Variants in RTN1 observed in about 807,000 individuals in gnomAD.
RTN1 encodes reticulon-1.
Under a neutral mutation model 65.5 loss-of-function variants are expected in RTN1, and 25 were observed. The ratio of observed to expected loss-of-function variants is 0.38; its 90% confidence interval spans 0.28 to 0.53. RTN1 has a LOEUF of 0.53. Ranked by LOEUF, RTN1 falls within the 20% of genes least tolerant of loss-of-function variation. The probability of loss-of-function intolerance (pLI) is 0.79; values close to 1 mark genes in which losing one functional copy is unlikely to be tolerated. For missense variants in RTN1, 983 were observed against 1,025.4 expected (o/e 0.96, Z 0.57); for synonymous variants, 471 against 447.6 (o/e 1.05, Z -0.66).
At chr14:59,669,622 A>T (rs1235204051) in intron 3 of RTN1, among the ~76,000 whole-genome samples, 1 of 151,736 alleles carries the variant, frequency 6.6e-6, no homozygotes, top group Non-Finnish European at 1.5e-5. Context: ...AATAAAAAAT[A>T]AAAAAAAGAA....
At position 59,839,794 on chromosome 14, in the gene RTN1, T is replaced by C. The variant is rs74358871; in HGVS notation, c.241+30596A>G. 3.7e-3 allele frequency among the ~76,000 whole-genome samples: 564 copies of C among 152,234 alleles called. 2 individuals carry two copies. Among genetic ancestry groups the C allele is most frequent in the Non-Finnish European group, 5.7e-3 (389 of 67,988 alleles). On this transcript the variant is annotated intron_variant, in intron 1 of 8. Transcript: ENST00000267484. ...CAGGTGTTTTTTTTTCTCTCTCTAA[T>C]ATATCTAATTCATTTTAGACAATGA...
At chr14:59,696,125 G>T in intron 3 of RTN1, among the ~76,000 whole-genome samples, 1 of 152,100 alleles carries the variant, frequency 6.6e-6, no homozygotes, top group African/African-American at 2.4e-5. Context: ...TCCAACAGCC[G>T]GCTAAGTCTT....
At chr14:59,820,067 G>T (rs764300750) in intron 1 of RTN1, among the ~76,000 whole-genome samples, 1 of 152,228 alleles carries the variant, frequency 6.6e-6, no homozygotes, top group Admixed American at 6.5e-5. Flanking sequence ...CGCCGAGAGC[G>T]AGTGAGGGGT....
At chr14:59,842,125 T>C (rs139471464) in intron 1 of RTN1, among the ~76,000 whole-genome samples, 231 of 151,182 alleles carry the variant, frequency 1.5e-3, no homozygotes, top group African/African-American at 5.2e-3. Flanking sequence ...GACTCCATTC[T>C]TGAAAAAAAT....
At chr14:59,852,031 C>T (rs755357310) in intron 1 of RTN1, among the ~76,000 whole-genome samples, 36 of 152,210 alleles carry the variant, frequency 2.4e-4, no homozygotes, top group Admixed American at 5.9e-4. Context: ...TCTAACACCA[C>T]GGATTCAATT....
intron 1 of RTN1, among the ~76,000 whole-genome samples, chr14:59,785,386 G>A (rs924288424): frequency 3.3e-5 from 5 of 152,158 alleles, no homozygotes; most frequent in African/African-American, 1.2e-4. Flanking sequence ...GCCTCATAAT[G>A]TAAATACATT....
At chr14:59,636,347 C>T (rs945790731) in intron 3 of RTN1, among the ~76,000 whole-genome samples, 2 of 152,090 alleles carry the variant, frequency 1.3e-5, no homozygotes, top group South Asian at 2.1e-4. Context: ...GGGACCACCC[C>T]TCTTGCCCTC....
rs796535432 is a variant in RTN1 at position 59,751,306 on chromosome 14, A to C, written c.242-4825T>G. Among the ~76,000 whole-genome samples, 9 of 151,020 alleles carry C rather than the reference A, an allele frequency of 6.0e-5. 1 individual carries two copies. The highest frequency in any genetic ancestry group is 2.2e-4 in the African/African-American group (9 of 41,070). On this transcript the variant is annotated intron_variant, in intron 1 of 8. Transcript: ENST00000267484. ...GATTGTCCTTATTTCCTAAGCATAG[A>C]TAGAACACCAAACAAAAAAACTATT...
chr14:59,811,245 C>A (rs1815446815), intron 1 of RTN1, among the ~76,000 whole-genome samples: 1 of 152,076 alleles, frequency 6.6e-6, no homozygotes, highest in African/African-American at 2.4e-5. Flanking sequence ...CACAAATGGG[C>A]AAGTGGCTTA....
chr14:59,691,274 A>G (rs1261349748), intron 3 of RTN1, among the ~76,000 whole-genome samples: 1 of 152,216 alleles, frequency 6.6e-6, no homozygotes, highest in East Asian at 1.9e-4. Context: ...TCCCACAGAA[A>G]TATAACAAAT....
At chr14:59,758,300 C>G (rs1032687303) in intron 1 of RTN1, among the ~76,000 whole-genome samples, 6 of 152,110 alleles carry the variant, frequency 3.9e-5, no homozygotes, top group African/African-American at 1.4e-4. Context: ...ATTCATCTCC[C>G]CAAAGCAGCA....
chr14:59,818,408 G>C (rs1020866896), intron 1 of RTN1, among the ~76,000 whole-genome samples: 1 of 152,120 alleles, frequency 6.6e-6, no homozygotes, highest in Non-Finnish European at 1.5e-5. Context: ...ATCCCCAGGG[G>C]ACTCCTAGGA....
chr14:59,618,679 A>T (rs1882174159), intron 3 of RTN1, among the ~76,000 whole-genome samples: 1 of 152,172 alleles, frequency 6.6e-6, no homozygotes, highest in East Asian at 1.9e-4. Context: ...TCAAACCCTA[A>T]ATCTGATGCT....
intron 3 of RTN1, among the ~76,000 whole-genome samples, chr14:59,653,463 G>T (rs1347542743): frequency 6.6e-6 from 1 of 152,142 alleles, no homozygotes; most frequent in East Asian, 1.9e-4. Flanking sequence ...TAGAAACAAA[G>T]AATTCCAGAA....
intron 3 of RTN1, among the ~76,000 whole-genome samples, chr14:59,627,367 C>G (rs1411317561): frequency 6.6e-6 from 1 of 152,144 alleles, no homozygotes; most frequent in Non-Finnish European, 1.5e-5. Flanking sequence ...ATCTGTGTGC[C>G]CTTACCAAAG....
intron 1 of RTN1, among the ~76,000 whole-genome samples, chr14:59,840,515 G>A (rs189599403): frequency 1.1e-4 from 16 of 152,246 alleles, no homozygotes; most frequent in African/African-American, 1.4e-4. Context: ...TATCTACCAC[G>A]TATGGTTGTC....
intron 1 of RTN1, among the ~76,000 whole-genome samples, chr14:59,749,168 ATATCTATCTATATATC>A (rs1566710981): frequency 1.9e-5 from 2 of 103,518 alleles, no homozygotes; most frequent in African/African-American, 1.1e-4. Context: ...ATCTATCTAT[ATATCTATCTATATATC>A]TATCTATATA....
At chr14:59,761,105 T>C (rs960880315) in intron 1 of RTN1, among the ~76,000 whole-genome samples, 1 of 152,366 alleles carries the variant, frequency 6.6e-6, no homozygotes, top group Non-Finnish European at 1.5e-5. Context: ...TCAGTTTTTT[T>C]AAACATCTGC....
intron 1 of RTN1, among the ~76,000 whole-genome samples, chr14:59,750,376 ATATTATATATTAT>A (rs1566713745): frequency 6.0e-4 from 31 of 51,752 alleles, no homozygotes; most frequent in Non-Finnish European, 8.5e-4. Flanking sequence ...TTATATCTAT[ATATTATATATTAT>A]ATCTATAATA....
Sources: allele counts gnomAD v4.1 joint callset (sites outside exome capture counted in the v4.1 genomes callset), GRCh38; gene constraint gnomAD v4.1.1; transcripts MANE v1.5; gene names NCBI Gene and HGNC (gene_info 2026-07-23, HGNC 2026-07-21).